Variants in CNTN5 observed in about 807,000 individuals in gnomAD.
CNTN5 encodes contactin-5.
In CNTN5, 77 loss-of-function variants were observed where a neutral mutation model predicts 129.1. That is an observed-to-expected ratio of 0.60 (90% CI 0.50 to 0.72). The LOEUF is 0.72. Ranked by LOEUF, CNTN5 falls within the 30% of genes least tolerant of loss-of-function variation. The probability of loss-of-function intolerance (pLI) is 0.00; values close to 1 mark genes in which losing one functional copy is unlikely to be tolerated. For missense variants in CNTN5, 1,478 were observed against 1,328.8 expected, an observed-to-expected ratio of 1.11 and a Z score of -1.75; for synonymous variants, 509 against 465.6, an observed-to-expected ratio of 1.09 and a Z score of -1.20.
chr11:100,338,354 C>T (rs1366860199), intron 21 of CNTN5, among the ~76,000 whole-genome samples: 1 of 152,164 alleles, frequency 6.6e-6, no homozygotes, highest in African/African-American at 2.4e-5. Flanking sequence ...TCTCCAAATT[C>T]CAATTAAACT....
chr11:100,156,319 T>G (rs1947240208), intron 13 of CNTN5, among the ~76,000 whole-genome samples: 1 of 152,182 alleles, frequency 6.6e-6, no homozygotes, highest in South Asian at 2.1e-4. Context: ...GATTTGCATA[T>G]GTTGAACCAG....
intron 1 of CNTN5, among the ~76,000 whole-genome samples, chr11:99,121,139 T>C (rs7933277): frequency 3.8e-4 from 51 of 133,336 alleles, no homozygotes; most frequent in East Asian, 3.0e-3. Context: ...TTCTTTCTTT[T>C]TTTTTTTTTT....
chr11:100,038,567 G>T (rs566769568), intron 9 of CNTN5, among the ~76,000 whole-genome samples: 1 of 152,226 alleles, frequency 6.6e-6, no homozygotes, highest in African/African-American at 2.4e-5. Context: ...TGACAGTGAG[G>T]TGTTAAAATC....
At chr11:99,267,918 A>ACGCGCG (rs762973737) in intron 1 of CNTN5, among the ~76,000 whole-genome samples, 4 of 117,194 alleles carry the variant, frequency 3.4e-5, no homozygotes, top group South Asian at 2.8e-4. Flanking sequence ...ACACACACAC[A>ACGCGCG]CGCACACACA....
rs556890189 is a variant in CNTN5 at position 100,225,951 on chromosome 11, A to G, written c.2005+1139A>G. Among the ~76,000 whole-genome samples, 3 of 152,220 alleles carry G rather than the reference A, an allele frequency of 2.0e-5. No homozygotes were observed. The East Asian group carries it at 5.8e-4, about 29-fold the overall frequency. ...GAATGTATATGGGTTTTGGTAGTGC[A>G]TCCATCATTGGTTCAAGTAAAATGT... On this transcript the variant is annotated intron_variant, in intron 16 of 24. Coordinates refer to ENST00000524871, the MANE Select transcript of CNTN5 (RefSeq NM_014361.4).
At chr11:100,323,319 C>T (rs533486467) in intron 21 of CNTN5, among the ~76,000 whole-genome samples, 10 of 152,160 alleles carry the variant, frequency 6.6e-5, no homozygotes, top group East Asian at 1.9e-4. Context: ...GTGTTTTCAA[C>T]GGCTCTTTCT....
At chr11:100,346,027 C>G (rs1033499681) in intron 23 of CNTN5, among the ~76,000 whole-genome samples, 1 of 152,110 alleles carries the variant, frequency 6.6e-6, no homozygotes, top group Non-Finnish European at 1.5e-5. Context: ...GGTCAATAAA[C>G]ATGTGCCACT....
At chr11:99,192,565 T>C (rs1054390993) in intron 1 of CNTN5, among the ~76,000 whole-genome samples, 4 of 151,918 alleles carry the variant, frequency 2.6e-5, no homozygotes, top group Non-Finnish European at 4.4e-5. Context: ...TAATTTGTAA[T>C]TATCTTACAA....
rs542985288 is a variant in CNTN5 at position 100,032,219 on chromosome 11, A to G, written c.981-28993A>G. 9.1e-4 allele frequency among the ~76,000 whole-genome samples: 139 copies of G among 152,314 alleles called. 3 individuals carry two copies. In the South Asian group the frequency reaches 0.028, roughly 30 times the overall value. Reference sequence around the variant, plus strand: ...ATTCTGAGAGTATCACTATGACAGTATCATTAGATGCAGCAAATTAGGTTA... The same window carrying G: ...ATTCTGAGAGTATCACTATGACAGTGTCATTAGATGCAGCAAATTAGGTTA... On this transcript the variant is annotated intron_variant, in intron 9 of 24. Coordinates refer to ENST00000524871, the MANE Select transcript of CNTN5 (RefSeq NM_014361.4).
chr11:99,410,161 T>G (rs546690756), intron 2 of CNTN5, among the ~76,000 whole-genome samples: 1 of 152,178 alleles, frequency 6.6e-6, no homozygotes, highest in Non-Finnish European at 1.5e-5. Context: ...TAGTGGTGAA[T>G]TATAGGAAAA....
In CNTN5 at chr11:100,271,187, A is replaced by C; in HGVS notation, c.2260A>C (p.Ile754Leu). The C allele has an allele frequency of 6.2e-7, 1 of 1,613,112 alleles. No individual in the cohort carries two copies. Among genetic ancestry groups the C allele is most frequent in the Non-Finnish European group, 8.5e-7 (1 of 1,179,592 alleles). ...ATTTCGAGTGGTAGCCACCAACCCTATTGGGACAGGAGATCCAAGCACCCC... is the reference window on the plus strand; with the variant it reads ...ATTTCGAGTGGTAGCCACCAACCCTCTTGGGACAGGAGATCCAAGCACCCC... The part of the protein sequence containing the change: ...YEFRVVATNP[I>L]GTGDPSTPSR... Residue 754 changes from isoleucine (I) to leucine (L), a missense_variant, in exon 18 of 25, where the codon ATT (isoleucine) becomes CTT (leucine). Coordinates refer to ENST00000524871, the MANE Select transcript of CNTN5 (RefSeq NM_014361.4).
chr11:100,035,098 C>T (rs148499909), intron 9 of CNTN5, among the ~76,000 whole-genome samples: 14,162 of 152,024 alleles, frequency 0.093, 852 homozygotes, highest in East Asian at 0.2. Flanking sequence ...ATGAGGTATA[C>T]CTCCTAATGC....
intron 7 of CNTN5, among the ~76,000 whole-genome samples, chr11:99,938,724 G>A (rs181388876): frequency 7.9e-5 from 12 of 152,050 alleles, no homozygotes; most frequent in East Asian, 7.7e-4. Context: ...ACACCAAGCC[G>A]CAATCTACAT....
At chr11:99,397,060 A>G (rs1941563576) in intron 2 of CNTN5, among the ~76,000 whole-genome samples, 1 of 151,716 alleles carries the variant, frequency 6.6e-6, no homozygotes. Flanking sequence ...TCAACATTTA[A>G]CCTCAGAACT....
chr11:99,324,124 C>T (rs1312256620), intron 1 of CNTN5, among the ~76,000 whole-genome samples: 1 of 152,086 alleles, frequency 6.6e-6, no homozygotes, highest in Non-Finnish European at 1.5e-5. Flanking sequence ...TGTCAATTTC[C>T]TGAAGTTCCA....
intron 9 of CNTN5, among the ~76,000 whole-genome samples, chr11:100,004,226 C>CGA (rs1442003174): frequency 2.0e-5 from 3 of 152,120 alleles, no homozygotes; most frequent in African/African-American, 7.2e-5. Flanking sequence ...GGCTGTTTTC[C>CGA]CCCTCACTGT....
At chr11:99,664,372 G>T (rs1952707958) in intron 3 of CNTN5, among the ~76,000 whole-genome samples, 1 of 152,028 alleles carries the variant, frequency 6.6e-6, no homozygotes, top group Admixed American at 6.6e-5. Context: ...TATACAAGTT[G>T]TAGGTTGTGG....
intron 13 of CNTN5, among the ~76,000 whole-genome samples, chr11:100,126,035 T>C (rs529779319): frequency 3.7e-4 from 56 of 152,270 alleles, no homozygotes; most frequent in African/African-American, 1.3e-3. Flanking sequence ...AATTTTTTGA[T>C]TTCTGCCTTA....
rs1253215085 is a variant in CNTN5, at chr11:100,341,217, T to C, written c.3030+12T>C. 1 of 1,574,640 alleles carries C rather than the reference T, an allele frequency of 6.4e-7. No homozygotes were observed. The highest frequency in any genetic ancestry group is 1.1e-5 in the South Asian group (1 of 90,310). On this transcript the variant is annotated intron_variant, in intron 23 of 24. Transcript: ENST00000524871. Reference sequence around the variant, plus strand: ...TTGTGGGTTACAAGGTCAGTATTTCTTCACTCTTTTGCATAGATACTCATC... The same window carrying C: ...TTGTGGGTTACAAGGTCAGTATTTCCTCACTCTTTTGCATAGATACTCATC...
Sources: allele counts gnomAD v4.1 joint callset (sites outside exome capture counted in the v4.1 genomes callset), GRCh38; gene constraint gnomAD v4.1.1; transcripts MANE v1.5; gene names NCBI Gene and HGNC (gene_info 2026-07-23, HGNC 2026-07-21).